Variants in ATF7IP observed in about 807,000 individuals in gnomAD.
ATF7IP encodes the protein activating transcription factor 7-interacting protein 1.
A neutral mutation model predicts 106.4 loss-of-function variants in ATF7IP; 23 were observed. The observed-to-expected ratio is 0.22, with a 90% CI of 0.16 to 0.31. The LOEUF is 0.31. ATF7IP is among the 10% of genes least tolerant of loss of function. The probability of loss-of-function intolerance (pLI) is 1.00; values close to 1 mark genes in which losing one functional copy is unlikely to be tolerated. For synonymous variants in ATF7IP, 542 were observed against 539.0 expected (o/e 1.01, Z -0.08); for missense variants, 1,334 against 1,524.3 (o/e 0.88, Z 2.08).
chr12:14,380,631 TA>T (rs1444403782), intron 1 of ATF7IP, among the ~76,000 whole-genome samples: 1 of 152,226 alleles, frequency 6.6e-6, no homozygotes, highest in African/African-American at 2.4e-5. Context: ...GTTTTTATTT[TA>T]TTTTTTTTAA....
rs146420228 is a variant in ATF7IP at position 14,502,498 on chromosome 12, G to A, written c.*4425G>A. On this transcript the variant is annotated 3_prime_UTR_variant, in exon 15 of 15. Transcript: ENST00000261168. ...GTCAGCTAAGTACCCATATTTAAATGCCGTCTTTATTATTTTTTTGAGGTC... is the reference window on the plus strand; with the variant it reads ...GTCAGCTAAGTACCCATATTTAAATACCGTCTTTATTATTTTTTTGAGGTC... 67 of 152,082 alleles carry A rather than the reference G, an allele frequency of 4.4e-4. No homozygotes were observed. The highest frequency in any genetic ancestry group is 1.6e-3 in the African/African-American group (65 of 41,514). The allele number at this position is 152,082 out of a possible 1,614,324, so 9.4% of individuals were successfully genotyped here.
At chr12:14,402,523 A>G (rs1940299793) in intron 1 of ATF7IP, among the ~76,000 whole-genome samples, 1 of 150,758 alleles carries the variant, frequency 6.6e-6, no homozygotes, top group Non-Finnish European at 1.5e-5. Flanking sequence ...TTTTTTTTTT[A>G]CATTGAGTCT....
At chr12:14,381,167 A>T (rs1938986876) in intron 1 of ATF7IP, among the ~76,000 whole-genome samples, 1 of 152,104 alleles carries the variant, frequency 6.6e-6, no homozygotes, top group Admixed American at 6.6e-5. Flanking sequence ...TTGGTTCTTA[A>T]CTTGTCACCA....
rs1565527775 is a variant in ATF7IP, at chr12:14,456,548, T to C, written c.1996-13T>C. 1 of 1,601,640 alleles carries C rather than the reference T, an allele frequency of 6.2e-7. No homozygotes were observed. Among genetic ancestry groups the C allele is most frequent in the Non-Finnish European group, 8.5e-7 (1 of 1,171,536 alleles). On this transcript the variant is annotated splice_polypyrimidine_tract_variant and intron_variant, in intron 6 of 14. Coordinates refer to ENST00000261168, the MANE Select transcript of ATF7IP (RefSeq NM_018179.5). ...GAGTTTTATTTTTACCTTGATTTTT[T>C]TTTCTCCCCCAGCATCCACCCAACC...
intron 1 of ATF7IP, chr12:14,367,279 A>C (rs2136385783): frequency 6.6e-6 from 1 of 152,234 alleles, no homozygotes; most frequent in South Asian, 2.1e-4. Flanking sequence ...AGTAAATATT[A>C]CCTAGATGTA....
chr12:14,407,767 T>A (rs1399326915), intron 1 of ATF7IP, among the ~76,000 whole-genome samples: 5 of 152,036 alleles, frequency 3.3e-5, no homozygotes, highest in African/African-American at 7.2e-5. Flanking sequence ...TGATAGAAAT[T>A]ATTTTAACTT....
chr12:14,400,740 G>C (rs1387844002), intron 1 of ATF7IP, among the ~76,000 whole-genome samples: 1 of 152,060 alleles, frequency 6.6e-6, no homozygotes, highest in African/African-American at 2.4e-5. Context: ...CTGCTTGTTT[G>C]TCCTTAAAAA....
At chr12:14,459,726 A>G (rs1485643948) in intron 8 of ATF7IP, among the ~76,000 whole-genome samples, 1 of 152,250 alleles carries the variant, frequency 6.6e-6, no homozygotes. Context: ...ATTTTTGGAA[A>G]GACTATAAAT....
chr12:14,437,920 G>C (rs1006186718), intron 4 of ATF7IP, among the ~76,000 whole-genome samples: 1 of 151,502 alleles, frequency 6.6e-6, no homozygotes, highest in Non-Finnish European at 1.5e-5. Flanking sequence ...GGGCGTAGTG[G>C]CGGGCGCCTG....
intron 13 of ATF7IP, among the ~76,000 whole-genome samples, chr12:14,490,686 C>T (rs1000939051): frequency 1.3e-5 from 2 of 152,160 alleles, no homozygotes; most frequent in African/African-American, 4.8e-5. Flanking sequence ...CAGGGACTCC[C>T]CATGAGGCCA....
chr12:14,484,445 T>C (rs768307658), intron 13 of ATF7IP, among the ~76,000 whole-genome samples: 2 of 152,162 alleles, frequency 1.3e-5, no homozygotes, highest in African/African-American at 2.4e-5. Context: ...CCCATAAATA[T>C]ATATAATCAT....
At chr12:14,473,344 T>C (rs1944134317) in intron 10 of ATF7IP, among the ~76,000 whole-genome samples, 1 of 148,702 alleles carries the variant, frequency 6.7e-6, no homozygotes. Context: ...GGGGTTGTTC[T>C]AGAGTTTACA....
chr12:14,453,813 C>A (rs1327516323), intron 6 of ATF7IP, among the ~76,000 whole-genome samples: 2 of 152,056 alleles, frequency 1.3e-5, no homozygotes, highest in Non-Finnish European at 1.5e-5. Flanking sequence ...TTAGTAGATA[C>A]AAGCTTTCAC....
chr12:14,492,240 T>C (rs557124535), intron 13 of ATF7IP, among the ~76,000 whole-genome samples: 7 of 149,778 alleles, frequency 4.7e-5, no homozygotes, highest in East Asian at 1.9e-4. Context: ...TCCATAAGCC[T>C]GTACTTTAAC....
chr12:14,419,027 T>A (rs1941353790), intron 1 of ATF7IP: 1 of 152,212 alleles, frequency 6.6e-6, no homozygotes, highest in South Asian at 2.1e-4. Context: ...AACATTATCC[T>A]GAATATTTAG....
intron 5 of ATF7IP, among the ~76,000 whole-genome samples, chr12:14,442,583 C>T (rs553101450): frequency 1.3e-5 from 2 of 152,268 alleles, no homozygotes; most frequent in South Asian, 2.1e-4. Context: ...ACTTTGAATT[C>T]GTTCTTACTG....
intron 5 of ATF7IP, among the ~76,000 whole-genome samples, chr12:14,445,800 A>T (rs565525486): frequency 5.3e-4 from 81 of 152,320 alleles, no homozygotes; most frequent in South Asian, 3.7e-3. Context: ...TGGATAAAAT[A>T]AATTCTCTGG....
chr12:14,446,845 CAACTT>C (rs1488302739), intron 5 of ATF7IP, 138 bp from the exon 6 acceptor site: 11 of 561,562 alleles, frequency 2.0e-5, no homozygotes, highest in Non-Finnish European at 2.9e-5. Context: ...AGTTTATAAT[CAACTT>C]AATTTATTTT....
chr12:14,502,457 GTTT>G lies in ATF7IP; in HGVS notation c.*4388_*4390del, dbSNP rs1945185179. On this transcript the variant is annotated 3_prime_UTR_variant, in exon 15 of 15. Coordinates refer to ENST00000261168, the MANE Select transcript of ATF7IP (RefSeq NM_018179.5). ...ACCATGTTAAAATAAACTTTTCTTT[GTTT>G]TTTATTTGTAGAGTCAGCTAAGTAC... 6.6e-6 allele frequency: 1 copy of G among 151,892 alleles called. No individual in the cohort carries two copies. Among genetic ancestry groups the G allele is most frequent in the East Asian group, 1.9e-4 (1 of 5,170 alleles). The allele number at this position is 151,892 out of a possible 1,614,324, so 9.4% of individuals were successfully genotyped here.
Sources: gnomAD v4.1 joint callset for allele counts (sites outside exome capture counted in the v4.1 genomes callset) on GRCh38, gnomAD v4.1.1 for gene constraint, MANE v1.5 for transcripts, NCBI Gene and HGNC (gene_info 2026-07-23, HGNC 2026-07-21) for gene names.